SSH2: variants seen among roughly 807,000 people sequenced by gnomAD.
The protein encoded by SSH2 is protein phosphatase Slingshot homolog 2.
A neutral mutation model predicts 135.2 loss-of-function variants in SSH2; 37 were observed. The ratio of observed to expected loss-of-function variants is 0.27; its 90% CI spans 0.21 to 0.36. The LOEUF (loss-of-function observed/expected upper bound fraction) is 0.36, where lower values mean the gene tolerates loss of function less well. SSH2 is among the 10% of genes least tolerant of loss of function. SSH2 has a pLI of 1.00. For synonymous variants in SSH2, 628 were observed against 646.2 expected (o/e 0.97, Z 0.43); for missense variants, 1,408 against 1,765.3 (o/e 0.80, Z 3.63).
chr17:29,800,344 A>G (rs907366655), intron 2 of SSH2, among the ~76,000 whole-genome samples: 4 of 152,222 alleles, frequency 2.6e-5, no homozygotes, highest in Non-Finnish European at 5.9e-5. Context: ...AAGACACAAC[A>G]TTTCTTATTT....
At chr17:29,885,481 G>T (rs1486187404) in intron 1 of SSH2, among the ~76,000 whole-genome samples, 1 of 151,998 alleles carries the variant, frequency 6.6e-6, no homozygotes, top group Admixed American at 6.6e-5. Flanking sequence ...TCTCTTGGCT[G>T]GCCCCTAGAT....
At chr17:29,723,330 T>G (rs1196427604) in intron 3 of SSH2, among the ~76,000 whole-genome samples, 1 of 152,238 alleles carries the variant, frequency 6.6e-6, no homozygotes, top group Non-Finnish European at 1.5e-5. Flanking sequence ...TATGTTTAAC[T>G]TTATTTCTGT....
chr17:29,656,753 G>A (rs973162993), intron 11 of SSH2, among the ~76,000 whole-genome samples: 4 of 151,978 alleles, frequency 2.6e-5, no homozygotes, highest in Non-Finnish European at 5.9e-5. Context: ...TGAACCATCT[G>A]AGAGCATTTT....
chr17:29,648,881 C>T (rs899811353), intron 13 of SSH2, among the ~76,000 whole-genome samples: 1 of 152,188 alleles, frequency 6.6e-6, no homozygotes, highest in East Asian at 1.9e-4. Flanking sequence ...CGGCTCATGC[C>T]TGTAATCCCA....
intron 3 of SSH2, among the ~76,000 whole-genome samples, chr17:29,742,148 G>A (rs574240605): frequency 6.6e-6 from 1 of 151,790 alleles, no homozygotes; most frequent in South Asian, 2.1e-4. Context: ...TGTTCAACAA[G>A]ATGGTCTCGA....
intron 3 of SSH2, among the ~76,000 whole-genome samples, chr17:29,792,086 C>A (rs765790144): frequency 8.6e-5 from 13 of 151,892 alleles, no homozygotes; most frequent in Non-Finnish European, 1.8e-4. Flanking sequence ...CCATGCCTGG[C>A]TAATTTTTTT....
rs371591076 is a variant in SSH2, at chr17:29,629,887, C to T, written c.*954G>A. 3 of 152,544 alleles carry T rather than the reference C, an allele frequency of 2.0e-5. No homozygotes were observed. The highest frequency in any genetic ancestry group is 1.3e-4 in the Admixed American group (2 of 15,274). 9.4% of individuals were successfully genotyped at this position (152,544 alleles called of 1,614,324 possible). A position where few individuals can be genotyped will look rare whatever the true frequency, so the allele number is the denominator to read the frequency against. On this transcript the variant is annotated 3_prime_UTR_variant, in exon 16 of 16. Transcript: ENST00000540801. ...AAATATGGCCATTAAACTCAGAAGGCCCAAAGAATTATTCAAGTAATGGAA... is the reference window on the plus strand; with the variant it reads ...AAATATGGCCATTAAACTCAGAAGGTCCAAAGAATTATTCAAGTAATGGAA...
At chr17:29,915,132 T>C (rs2066858859) in intron 1 of SSH2, among the ~76,000 whole-genome samples, 1 of 152,182 alleles carries the variant, frequency 6.6e-6, no homozygotes. Flanking sequence ...TTTTCAGTAC[T>C]CAAAGAAGAA....
At chr17:29,904,453 C>A (rs61836175) in intron 1 of SSH2, among the ~76,000 whole-genome samples, 2 of 152,262 alleles carry the variant, frequency 1.3e-5, no homozygotes, top group Middle Eastern at 3.4e-3. Context: ...ATTCAAAATC[C>A]CTTCAGGTTA....
At chr17:29,884,457 T>C (rs1343073146) in intron 1 of SSH2, among the ~76,000 whole-genome samples, 1 of 152,214 alleles carries the variant, frequency 6.6e-6, no homozygotes, top group Non-Finnish European at 1.5e-5. Flanking sequence ...TGGGCATTCC[T>C]TGAGTGATGT....
chr17:29,709,015 T>TATAGAGAGAGAGAGAGAGAGAGAGAG (rs780981175), intron 3 of SSH2, among the ~76,000 whole-genome samples: 1 of 81,588 alleles, frequency 1.2e-5, no homozygotes, highest in Non-Finnish European at 2.5e-5. Flanking sequence ...TATATATATA[T>TATAGAGAGAGAGAGAGAGAGAGAGAG]AGAGAGAGAG....
chr17:29,634,508 T>C (rs2035812626), intron 15 of SSH2, among the ~76,000 whole-genome samples: 1 of 152,182 alleles, frequency 6.6e-6, no homozygotes. Context: ...AGAAGAATCT[T>C]AGGATTCTGT....
intron 2 of SSH2, among the ~76,000 whole-genome samples, chr17:29,823,834 A>G (rs891325223): frequency 2.1e-5 from 3 of 142,650 alleles, no homozygotes; most frequent in Non-Finnish European, 3.0e-5. Context: ...AACCGAGATC[A>G]TGCCATTGCA....
At chr17:29,758,280 C>T (rs1310448339) in intron 3 of SSH2, among the ~76,000 whole-genome samples, 2 of 152,054 alleles carry the variant, frequency 1.3e-5, no homozygotes, top group East Asian at 1.9e-4. Flanking sequence ...ATTTTTATAG[C>T]GGTTAAGGGC....
intron 6 of SSH2, 34 bp from the exon 7 acceptor site, chr17:29,677,775 C>G: frequency 6.4e-7 from 1 of 1,554,432 alleles, no homozygotes; most frequent in South Asian, 1.1e-5. Flanking sequence ...TAGTTACTCC[C>G]CATTACTCTG....
In SSH2 at chr17:29,632,695, A is replaced by G. The variant is rs767005133; in HGVS notation, c.2499T>C (p.Asp833=). The G allele has an allele frequency of 1.9e-6, 3 of 1,613,936 alleles. No individual in the cohort carries two copies. The Admixed American group carries it at 5.0e-5, about 27-fold the overall frequency. ...CAGGCTGGGCTGTGCAGGAGTCCTCATCTTGCTCCATATGTCCAGGTTTGT... is the reference window on the plus strand; with the variant it reads ...CAGGCTGGGCTGTGCAGGAGTCCTCGTCTTGCTCCATATGTCCAGGTTTGT... The part of the protein sequence containing the change: ...PENKPGHMEQ[D]EDSCTAQPEL... Residue 833 remains aspartate, a synonymous_variant, in exon 16 of 16, where the codon GAT becomes GAC. Transcript: ENST00000540801.
At chr17:29,737,971 G>T (rs1355272390) in intron 3 of SSH2, among the ~76,000 whole-genome samples, 1 of 151,610 alleles carries the variant, frequency 6.6e-6, no homozygotes, top group Non-Finnish European at 1.5e-5. Context: ...TAGGGTACAT[G>T]CGCACAACGT....
intron 1 of SSH2, among the ~76,000 whole-genome samples, chr17:29,900,732 G>A (rs1271583326): frequency 6.6e-6 from 1 of 152,062 alleles, no homozygotes; most frequent in Non-Finnish European, 1.5e-5. Context: ...GATTCCTCAG[G>A]GATCTAGAAC....
intron 8 of SSH2, among the ~76,000 whole-genome samples, chr17:29,673,627 T>G (rs540440625): frequency 6.6e-6 from 1 of 152,176 alleles, no homozygotes; most frequent in South Asian, 2.1e-4. Flanking sequence ...CCATGCCTAC[T>G]TTAGAAAATT....
Sources: gnomAD v4.1 joint callset for allele counts (sites outside exome capture counted in the v4.1 genomes callset) on GRCh38, gnomAD v4.1.1 for gene constraint, MANE v1.5 for transcripts, NCBI Gene and HGNC (gene_info 2026-07-23, HGNC 2026-07-21) for gene names.